DOP1A: variants seen among roughly 807,000 people sequenced by gnomAD.
The protein encoded by DOP1A is DOP1 leucine zipper like protein A.
A neutral mutation model predicts 267.6 loss-of-function variants in DOP1A; 90 were observed. The ratio of observed to expected loss-of-function variants is 0.34; its 90% confidence interval spans 0.28 to 0.40. The LOEUF (loss-of-function observed/expected upper bound fraction) is 0.40, where lower values mean the gene tolerates loss of function less well. Ranked by LOEUF, DOP1A falls within the 10% of genes least tolerant of loss-of-function variation. DOP1A has a pLI of 1.00. For missense variants in DOP1A, 2,437 were observed against 2,900.4 expected (o/e 0.84, Z 3.67); for synonymous variants, 932 against 999.1 (o/e 0.93, Z 1.27).
intron 1 of DOP1A, among the ~76,000 whole-genome samples, chr6:83,094,769 A>T (rs1678401464): frequency 6.6e-6 from 1 of 152,012 alleles, no homozygotes; most frequent in South Asian, 2.1e-4. Context: ...TTTATTATCT[A>T]GTTTAAGTCT....
intron 24 of DOP1A, 123 bp from the exon 25 acceptor site, chr6:83,145,401 A>G: frequency 2.3e-6 from 2 of 873,744 alleles, no homozygotes; most frequent in Non-Finnish European, 3.2e-6. Context: ...TGGGCAAAAT[A>G]GCAAGACCTC....
In DOP1A at chr6:83,137,549, A is replaced by G; in HGVS notation, c.3507A>G (p.Ala1169=). ...TAAGTGGCCTCGAAGTGGAATCTGC[A>G]TCAGTTACATCTCAATTAGAAATTG... ...KVVSGLEVES[A]SVTSQLEIEA... The change falls in exon 21 of 39, where the codon GCA becomes GCG. Residue 1169 remains alanine, a synonymous_variant. Coordinates refer to ENST00000349129, the MANE Select transcript of DOP1A (RefSeq NM_015018.4). 6.2e-7 allele frequency: 1 copy of G among 1,613,856 alleles called. No individual in the cohort carries two copies.
chr6:83,148,896 A>G, intron 27 of DOP1A, 33 bp downstream of exon 27: 3 of 1,302,878 alleles, frequency 2.3e-6, no homozygotes, highest in Non-Finnish European at 2.1e-6. Context: ...ATTTCAAATA[A>G]AAGGATAATG....
chr6:83,132,380 C>A, intron 18 of DOP1A, 52 bp downstream of exon 18: 1 of 1,404,354 alleles, frequency 7.1e-7, no homozygotes, highest in South Asian at 1.5e-5. Context: ...CACACACACA[C>A]ACACAAATAC....
intron 10 of DOP1A, among the ~76,000 whole-genome samples, chr6:83,121,436 T>C (rs1407496400): frequency 6.6e-6 from 1 of 151,726 alleles, no homozygotes; most frequent in Non-Finnish European, 1.5e-5. Context: ...CTCAGGAATT[T>C]TTTTAAGGAA....
Position 83,130,219 on chromosome 6 carries a change from T to G in DOP1A, c.2438T>G (p.Leu813Arg), listed in dbSNP as rs1320708739. Residue 813 changes from leucine (L) to arginine (R), a missense_variant, in exon 17 of 39, where the codon CTA (leucine) becomes CGA (arginine). Leu to Arg is a moderately radical substitution (Grantham distance 102). This residue lies in a region of DOP1A where 878 missense variants were observed against 992.9 expected (regional missense o/e 0.88). Coordinates refer to ENST00000349129, the MANE Select transcript of DOP1A (RefSeq NM_015018.4). ...DFSVQSVAIS[L>R]VMDLVGLTQS... Reference sequence around the variant, plus strand: ...AGTGTTCAGAGTGTTGCTATTTCACTAGTTATGGACCTGGTGGGACTGACA... The same window carrying G: ...AGTGTTCAGAGTGTTGCTATTTCACGAGTTATGGACCTGGTGGGACTGACA... 6.2e-7 allele frequency: 1 copy of G among 1,614,080 alleles called. No individual in the cohort carries two copies. The highest frequency in any genetic ancestry group is 1.7e-5 in the Admixed American group (1 of 60,018).
At chr6:83,103,846 A>G (rs914785641) in intron 4 of DOP1A, among the ~76,000 whole-genome samples, 12 of 152,212 alleles carry the variant, frequency 7.9e-5, no homozygotes, top group African/African-American at 2.7e-4. Flanking sequence ...ACTGTTCAAA[A>G]TAAGATATAA....
intron 5 of DOP1A, among the ~76,000 whole-genome samples, chr6:83,109,775 G>T (rs903168234): frequency 6.6e-6 from 1 of 152,160 alleles, no homozygotes; most frequent in African/African-American, 2.4e-5. Flanking sequence ...AAACTAAAAT[G>T]TATATGGTAT....
chr6:83,143,949 GC>G (rs1182657214), intron 24 of DOP1A, among the ~76,000 whole-genome samples: 1 of 152,174 alleles, frequency 6.6e-6, no homozygotes, highest in African/African-American at 2.4e-5. Context: ...GATCCTAAAA[GC>G]TTCTAATGAA....
At chr6:83,167,469 T>G (rs1786037824) in intron 38 of DOP1A, 1 of 991,454 alleles carries the variant, frequency 1.0e-6, no homozygotes, top group Non-Finnish European at 1.2e-6. Flanking sequence ...TAAAGCACTT[T>G]GTTCCTTTTT....
intron 4 of DOP1A, among the ~76,000 whole-genome samples, chr6:83,106,647 T>TA (rs1773656135): frequency 6.6e-6 from 1 of 151,938 alleles, no homozygotes; most frequent in Non-Finnish European, 1.5e-5. Flanking sequence ...TCATCTTAAC[T>TA]AAAAATACAA....
At chr6:83,143,492 TTAAAAAGTCAAACAG>T (rs1779966792) in intron 24 of DOP1A, among the ~76,000 whole-genome samples, 1 of 152,108 alleles carries the variant, frequency 6.6e-6, no homozygotes, top group African/African-American at 2.4e-5. Flanking sequence ...CAACTAGATT[TTAAAAAGTCAAACAG>T]TGCAGATAAC....
chr6:83,099,738 G>A (rs917830125), intron 3 of DOP1A, among the ~76,000 whole-genome samples: 25 of 147,540 alleles, frequency 1.7e-4, no homozygotes, highest in African/African-American at 6.0e-4. Flanking sequence ...ATATACACAC[G>A]TATACATATA....
intron 8 of DOP1A, among the ~76,000 whole-genome samples, chr6:83,119,479 T>C (rs1776009093): frequency 6.6e-6 from 1 of 152,122 alleles, no homozygotes; most frequent in Non-Finnish European, 1.5e-5. Context: ...TATAACTTAT[T>C]GTGGATGTTC....
intron 15 of DOP1A, among the ~76,000 whole-genome samples, chr6:83,128,331 CTCA>C (rs1349899088): frequency 2.0e-5 from 3 of 152,180 alleles, no homozygotes; most frequent in African/African-American, 7.2e-5. Context: ...CTGTAATTCT[CTCA>C]TCTTCCCCTC....
At chr6:83,108,317 C>G (rs944350661) in intron 4 of DOP1A, among the ~76,000 whole-genome samples, 1 of 152,106 alleles carries the variant, frequency 6.6e-6, no homozygotes, top group East Asian at 1.9e-4. Context: ...GTAGCTGGGA[C>G]CACAGGCACA....
intron 12 of DOP1A, among the ~76,000 whole-genome samples, chr6:83,124,035 C>T (rs540730072): frequency 1.3e-5 from 2 of 152,198 alleles, no homozygotes; most frequent in East Asian, 1.9e-4. Context: ...CCTTTCCTTC[C>T]TTTCCTCAAA....
intron 1 of DOP1A, among the ~76,000 whole-genome samples, chr6:83,084,216 T>C (rs1453848413): frequency 1.3e-5 from 2 of 152,218 alleles, no homozygotes; most frequent in Non-Finnish European, 2.9e-5. Context: ...TACTGTACTT[T>C]TCTATTTTTA....
rs138786799 is a variant in DOP1A at position 83,167,930 on chromosome 6, C to G, written c.7161C>G (p.Ile2387Met). The change falls in exon 39 of 39, where the codon ATC becomes ATG. Residue 2387 changes from isoleucine (I) to methionine (M), a missense_variant. Around this residue, in one of 9 missense-constraint regions of DOP1A, gnomAD observed 197 missense variants for 246.5 expected, o/e 0.80. Coordinates refer to ENST00000349129, the MANE Select transcript of DOP1A (RefSeq NM_015018.4). ...AGCCAGGGCACTTGCTGCTCACCATCTGCACCGTGCGCAGTATGGAGCAGC... is the reference window on the plus strand; with the variant it reads ...AGCCAGGGCACTTGCTGCTCACCATGTGCACCGTGCGCAGTATGGAGCAGC... ...GWEPGHLLLT[I>M]CTVRSMEQLL... 6.2e-7 allele frequency: 1 copy of G among 1,614,088 alleles called. No individual in the cohort carries two copies. The highest frequency in any genetic ancestry group is 1.3e-5 in the African/African-American group (1 of 74,944).
Sources: allele counts gnomAD v4.1 joint callset (sites outside exome capture counted in the v4.1 genomes callset), GRCh38; gene constraint gnomAD v4.1.1; regional missense constraint gnomAD v4.1.1; transcripts MANE v1.5; gene names NCBI Gene and HGNC (gene_info 2026-07-23, HGNC 2026-07-21).